JAZF1: variants seen among roughly 807,000 people sequenced by gnomAD.
JAZF1 encodes the protein JAZF zinc finger 1.
JAZF1 carries 8 observed loss-of-function variants against 26.4 expected under a neutral mutation model. That is an observed-to-expected ratio of 0.30 (90% CI 0.18 to 0.55). The LOEUF (loss-of-function observed/expected upper bound fraction) is 0.55, where lower values mean the gene tolerates loss of function less well. Among genes scored for constraint, JAZF1 ranks in the 20% least tolerant of loss-of-function variants. JAZF1 has a pLI of 0.94. For synonymous variants in JAZF1, 126 were observed against 122.3 expected (o/e 1.03, Z -0.20); for missense variants, 199 against 322.0 (o/e 0.62, Z 2.92).
intron 2 of JAZF1, among the ~76,000 whole-genome samples, chr7:27,908,712 A>T (rs1313955850): frequency 6.6e-6 from 1 of 152,138 alleles, no homozygotes; most frequent in Non-Finnish European, 1.5e-5. Context: ...AAGAACAACA[A>T]ATGACTTTAA....
chr7:27,974,274 G>A (rs1418272946), intron 2 of JAZF1, among the ~76,000 whole-genome samples: 1 of 152,078 alleles, frequency 6.6e-6, no homozygotes, highest in South Asian at 2.1e-4. Flanking sequence ...GTCAAGGCAC[G>A]GAACAAATAC....
intron 1 of JAZF1, among the ~76,000 whole-genome samples, chr7:28,130,493 C>T (rs1462872422): frequency 2.6e-5 from 4 of 152,162 alleles, no homozygotes; most frequent in East Asian, 3.8e-4. Flanking sequence ...GTTTACGTAA[C>T]GACCCACATT....
At chr7:28,135,281 G>A (rs1217040432) in intron 1 of JAZF1, among the ~76,000 whole-genome samples, 1 of 152,294 alleles carries the variant, frequency 6.6e-6, no homozygotes, top group Admixed American at 6.5e-5. Context: ...CAACTGGCTT[G>A]ATACCTAACA....
chr7:27,899,301 T>C (rs1329540562), intron 2 of JAZF1, among the ~76,000 whole-genome samples: 1 of 152,290 alleles, frequency 6.6e-6, no homozygotes, highest in South Asian at 2.1e-4. Context: ...TCACCAAATA[T>C]CAGGTCTGGA....
chr7:28,174,494 G>A (rs1029366175), intron 1 of JAZF1, among the ~76,000 whole-genome samples: 3 of 152,174 alleles, frequency 2.0e-5, no homozygotes, highest in Non-Finnish European at 2.9e-5. Flanking sequence ...AACTGTCAAC[G>A]TAGGAGATAT....
chr7:28,008,479 T>C (rs1439622500), intron 1 of JAZF1, among the ~76,000 whole-genome samples: 1 of 152,200 alleles, frequency 6.6e-6, no homozygotes, highest in Non-Finnish European at 1.5e-5. Flanking sequence ...GCAATTCCAG[T>C]ATAAATTCTA....
chr7:27,931,086 C>T (rs1368487770), intron 2 of JAZF1, among the ~76,000 whole-genome samples: 1 of 152,108 alleles, frequency 6.6e-6, no homozygotes, highest in African/African-American at 2.4e-5. Context: ...ACATCTTTGC[C>T]TTCCAGAAGG....
At chr7:28,072,614 A>T (rs1029318762) in intron 1 of JAZF1, among the ~76,000 whole-genome samples, 12 of 152,190 alleles carry the variant, frequency 7.9e-5, no homozygotes, top group Non-Finnish European at 1.5e-4. Flanking sequence ...GAAAAGATAA[A>T]CTAAAGAAAA....
chr7:28,120,820 C>A (rs1203284350), intron 1 of JAZF1, among the ~76,000 whole-genome samples: 3 of 152,066 alleles, frequency 2.0e-5, no homozygotes, highest in African/African-American at 7.2e-5. Context: ...TGCTTGGGAC[C>A]TAGACAATGC....
chr7:28,137,108 T>C (rs943959921), intron 1 of JAZF1, among the ~76,000 whole-genome samples: 71 of 152,126 alleles, frequency 4.7e-4, no homozygotes, highest in African/African-American at 1.6e-3. Context: ...TCGTGTGAAG[T>C]TGCTCAACAG....
chr7:28,009,047 C>T (rs7797538), intron 1 of JAZF1, among the ~76,000 whole-genome samples: 6,877 of 152,172 alleles, frequency 0.045, 248 homozygotes, highest in African/African-American at 0.093. Context: ...CAGAGAAGCT[C>T]GGGAGACCTC....
At chr7:28,007,040 C>T (rs1391877665) in intron 1 of JAZF1, among the ~76,000 whole-genome samples, 4 of 152,194 alleles carry the variant, frequency 2.6e-5, no homozygotes, top group Admixed American at 2.6e-4. Flanking sequence ...CCCACCTTGC[C>T]TAATTCCCAC....
chr7:28,124,459 C>T (rs1282180850), intron 1 of JAZF1, among the ~76,000 whole-genome samples: 1 of 152,182 alleles, frequency 6.6e-6, no homozygotes, highest in African/African-American at 2.4e-5. Flanking sequence ...TGCTGCCCAA[C>T]CCACTCTTCA....
intron 1 of JAZF1, among the ~76,000 whole-genome samples, chr7:28,129,322 A>C (rs1782752642): frequency 6.6e-6 from 1 of 152,150 alleles, no homozygotes; most frequent in South Asian, 2.1e-4. Flanking sequence ...AGACAGCTAC[A>C]CATGGACAAA....
intron 1 of JAZF1, among the ~76,000 whole-genome samples, chr7:28,093,952 C>T (rs918949054): frequency 1.3e-5 from 2 of 152,212 alleles, no homozygotes; most frequent in Admixed American, 1.3e-4. Context: ...GACAACTTGA[C>T]CCTCCCTCTT....
chr7:27,973,357 G>A (rs2128360237), intron 2 of JAZF1, among the ~76,000 whole-genome samples: 1 of 152,208 alleles, frequency 6.6e-6, no homozygotes, highest in South Asian at 2.1e-4. Flanking sequence ...CCAGGCTAGA[G>A]TGCAATTATA....
intron 1 of JAZF1, among the ~76,000 whole-genome samples, chr7:28,007,325 C>T (rs377458805): frequency 5.9e-5 from 9 of 151,958 alleles, no homozygotes; most frequent in Non-Finnish European, 1.3e-4. Flanking sequence ...AAAAATTAGC[C>T]GGGTGTGGTG....
intron 1 of JAZF1, among the ~76,000 whole-genome samples, chr7:28,177,593 T>C (rs1342859763): frequency 5.3e-5 from 8 of 152,164 alleles, no homozygotes; most frequent in Non-Finnish European, 8.8e-5. Context: ...CCTAAGCATA[T>C]CTCTAATACT....
intron 4 of JAZF1, among the ~76,000 whole-genome samples, chr7:27,833,880 G>C (rs934338901): frequency 3.3e-5 from 5 of 152,310 alleles, no homozygotes; most frequent in Non-Finnish European, 7.4e-5. Flanking sequence ...ATGGGCTTGA[G>C]GGTAGTAAGT....
Sources: gnomAD v4.1 joint callset for allele counts (sites outside exome capture counted in the v4.1 genomes callset) on GRCh38, gnomAD v4.1.1 for gene constraint, MANE v1.5 for transcripts, NCBI Gene and HGNC (gene_info 2026-07-23, HGNC 2026-07-21) for gene names.